The following PTPDC1 variants were observed in gnomAD, a reference collection of about 807,000 sequenced individuals.
PTPDC1 encodes the protein protein tyrosine phosphatase domain containing 1, also known as protein tyrosine phosphatase domain-containing protein 1.
Under a neutral mutation model 75.3 loss-of-function variants are expected in PTPDC1, and 53 were observed. The observed-to-expected ratio is 0.70, with a 90% CI of 0.56 to 0.88. The LOEUF is 0.88. PTPDC1 is among the 40% of genes least tolerant of loss of function. The probability of loss-of-function intolerance (pLI) is 0.00; values close to 1 mark genes in which losing one functional copy is unlikely to be tolerated. For synonymous variants in PTPDC1, 349 were observed against 366.2 expected (o/e 0.95, Z 0.54); for missense variants, 925 against 998.6 (o/e 0.93, Z 0.99).
chr9:94,109,405 C>T lies in PTPDC1; in HGVS notation c.*1461C>T, dbSNP rs1035907678. On this transcript the variant is annotated 3_prime_UTR_variant, in exon 9 of 9. Transcript: ENST00000620992. ...AAAATATTTCAGTCATTATCAGTCT[C>T]ATTAACTGAAATGCCAAATGCTAAA... is the stretch of plus-strand genomic sequence containing the variant. 1.3e-5 allele frequency: 2 copies of T among 152,192 alleles called. No homozygotes were observed. The highest frequency in any genetic ancestry group is 2.9e-5 in the Non-Finnish European group (2 of 68,036). 9.4% of individuals were successfully genotyped at this position (152,192 alleles called of 1,614,324 possible). A position where few individuals can be genotyped will look rare whatever the true frequency, so the allele number is the denominator to read the frequency against.
chr9:94,044,655 A>G (rs1367732707), intron 1 of PTPDC1, among the ~76,000 whole-genome samples: 1 of 151,962 alleles, frequency 6.6e-6, no homozygotes, highest in East Asian at 1.9e-4. Flanking sequence ...ATCCATGGAC[A>G]ACCATGAAAG....
intron 1 of PTPDC1, among the ~76,000 whole-genome samples, chr9:94,047,939 C>A (rs1319678198): frequency 2.6e-5 from 4 of 152,142 alleles, no homozygotes; most frequent in African/African-American, 9.6e-5. Flanking sequence ...GCTTACCAAC[C>A]AAAAAAAGTC....
At chr9:94,078,086 C>T (rs550174583) in intron 2 of PTPDC1, among the ~76,000 whole-genome samples, 2 of 152,328 alleles carry the variant, frequency 1.3e-5, no homozygotes, top group South Asian at 2.1e-4. Context: ...CATATAAATA[C>T]ATACTGTCTC....
At chr9:94,030,832 C>T (rs980359959) in exon 1 of PTPDC1, 1 of 152,260 alleles carries the variant, frequency 6.6e-6, no homozygotes, top group East Asian at 1.9e-4. Flanking sequence ...GACGCGGCCT[C>T]AGCAGGGGCG....
chr9:94,093,996 T>G (rs1018275217), intron 4 of PTPDC1, among the ~76,000 whole-genome samples: 7 of 152,190 alleles, frequency 4.6e-5, no homozygotes, highest in African/African-American at 1.7e-4. Flanking sequence ...TAAATTTTTT[T>G]CAAAGTTTTC....
At chr9:94,074,442 GAA>G (rs1416768373) in intron 2 of PTPDC1, among the ~76,000 whole-genome samples, 1 of 152,176 alleles carries the variant, frequency 6.6e-6, no homozygotes, top group African/African-American at 2.4e-5. Context: ...TGCCACCTAG[GAA>G]GAAGTAGAGG....
At chr9:94,088,285 C>G in intron 4 of PTPDC1, 22 bp downstream of exon 4, 2 of 1,610,666 alleles carry the variant, frequency 1.2e-6, no homozygotes, top group Non-Finnish European at 1.7e-6. Context: ...CCACCCTCCT[C>G]TCATGAATTA....
At chr9:94,050,865 T>A (rs1466909633) in intron 1 of PTPDC1, among the ~76,000 whole-genome samples, 1 of 152,186 alleles carries the variant, frequency 6.6e-6, no homozygotes, top group Non-Finnish European at 1.5e-5. Flanking sequence ...CTCCACCCAG[T>A]TCGAGCTTCT....
chr9:94,047,562 A>G (rs550588369), intron 1 of PTPDC1, among the ~76,000 whole-genome samples: 1 of 152,354 alleles, frequency 6.6e-6, no homozygotes, highest in East Asian at 1.9e-4. Context: ...AGAAATAACT[A>G]AGATCAGAGC....
At chr9:94,043,968 A>G (rs1050829387) in intron 1 of PTPDC1, among the ~76,000 whole-genome samples, 2 of 152,130 alleles carry the variant, frequency 1.3e-5, no homozygotes, top group African/African-American at 4.8e-5. Context: ...TTAGTCGACT[A>G]TATTTTTCTG....
At chr9:94,044,728 T>TTTG (rs1825535758) in intron 1 of PTPDC1, among the ~76,000 whole-genome samples, 1 of 150,486 alleles carries the variant, frequency 6.6e-6, no homozygotes, top group African/African-American at 2.4e-5. Context: ...ACCTTTCTCT[T>TTTG]TTTTTTTTTG....
At chr9:94,035,193 A>G (rs1202443633) in intron 1 of PTPDC1, among the ~76,000 whole-genome samples, 1 of 152,184 alleles carries the variant, frequency 6.6e-6, no homozygotes, top group East Asian at 1.9e-4. Context: ...ACTGTTTCCC[A>G]AGAAGTTTGC....
At chr9:94,067,857 C>T (rs1229958417) in intron 2 of PTPDC1, among the ~76,000 whole-genome samples, 2 of 152,194 alleles carry the variant, frequency 1.3e-5, no homozygotes, top group Non-Finnish European at 2.9e-5. Context: ...CTACCACAGC[C>T]TCTGAAAGTG....
intron 2 of PTPDC1, among the ~76,000 whole-genome samples, chr9:94,077,365 G>A (rs915526262): frequency 1.3e-5 from 2 of 152,056 alleles, no homozygotes; most frequent in African/African-American, 4.8e-5. Flanking sequence ...ACAGGTTGAG[G>A]GCTAAGTCTT....
At chr9:94,088,323 C>T in intron 4 of PTPDC1, 60 bp downstream of exon 4, 1 of 1,560,630 alleles carries the variant, frequency 6.4e-7, no homozygotes, top group East Asian at 2.3e-5. Context: ...AGGCTTTTCT[C>T]TGCTGGGTTC....
intron 2 of PTPDC1, among the ~76,000 whole-genome samples, chr9:94,087,350 T>C (rs544687011): frequency 9.2e-5 from 14 of 152,120 alleles, no homozygotes; most frequent in Non-Finnish European, 1.6e-4. Context: ...AATTCACCAC[T>C]AAATAACTCA....
chr9:94,073,910 G>C (rs1488867160), intron 2 of PTPDC1, among the ~76,000 whole-genome samples: 1 of 151,976 alleles, frequency 6.6e-6, no homozygotes, highest in African/African-American at 2.4e-5. Flanking sequence ...CTGTCTTTCT[G>C]TTATCGATTT....
intron 1 of PTPDC1, among the ~76,000 whole-genome samples, chr9:94,047,695 A>G (rs982160101): frequency 7.2e-5 from 11 of 152,212 alleles, no homozygotes; most frequent in Admixed American, 2.6e-4. Flanking sequence ...AAGAAAAGAG[A>G]GAAGAATCAA....
chr9:94,108,164 C>G lies in PTPDC1; in HGVS notation c.*220C>G, dbSNP rs938337328. Reference sequence around the variant, plus strand: ...TTGAAAAATTGCCATAAATTTGGTGCCACTTTCTTTTATTTATTTGACTGA... The same window carrying G: ...TTGAAAAATTGCCATAAATTTGGTGGCACTTTCTTTTATTTATTTGACTGA... On this transcript the variant is annotated 3_prime_UTR_variant, in exon 9 of 9. Transcript: ENST00000620992. 11 of 311,310 alleles carry G rather than the reference C, an allele frequency of 3.5e-5. No individual in the cohort carries two copies. Among genetic ancestry groups the G allele is most frequent in the Non-Finnish European group, 6.4e-5 (11 of 172,012 alleles). The allele number at this position is 311,310 out of a possible 1,614,324, so 19.3% of individuals were successfully genotyped here.
Sources: gnomAD v4.1 joint callset for allele counts (sites outside exome capture counted in the v4.1 genomes callset) on GRCh38, gnomAD v4.1.1 for gene constraint, MANE v1.5 for transcripts, NCBI Gene and HGNC (gene_info 2026-07-23, HGNC 2026-07-21) for gene names.